The following IMPG1 variants were observed in gnomAD, a reference collection of about 807,000 sequenced individuals.
The protein encoded by IMPG1 is interphotoreceptor matrix proteoglycan of 150 kDa.
Under a neutral mutation model 92.0 loss-of-function variants are expected in IMPG1, and 85 were observed. That is an observed-to-expected ratio of 0.92 (90% CI 0.78 to 1.11). The LOEUF (loss-of-function observed/expected upper bound fraction) is 1.11, where lower values mean the gene tolerates loss of function less well. IMPG1 is among the 50% of genes least tolerant of loss of function. IMPG1 has a pLI of 0.00. For missense variants in IMPG1, 1,022 were observed against 956.0 expected, an observed-to-expected ratio of 1.07 and a Z score of -0.91; for synonymous variants, 367 against 334.1, an observed-to-expected ratio of 1.10 and a Z score of -1.08.
In IMPG1 at chr6:75,947,533, G is replaced by A. The variant is rs1781949217; in HGVS notation, c.1825C>T (p.Leu609=). The A allele has an allele frequency of 6.2e-7, 1 of 1,608,222 alleles. No individual in the cohort carries two copies. The change falls in exon 14 of 17, where the codon CTG becomes TTG. Residue 609 remains leucine, a splice_region_variant and synonymous_variant. Transcript: ENST00000369950. ...AGATTGGATCGTAGATATGGAACCA[G>A]CTGCAAAATAAAAGATGGTTTCCTC... ...RALEQQFTQL[L]VPYLRSNLTG...
intron 12 of IMPG1, among the ~76,000 whole-genome samples, chr6:75,981,960 T>C (rs1384992622): frequency 6.6e-6 from 1 of 152,228 alleles, no homozygotes; most frequent in Non-Finnish European, 1.5e-5. Context: ...CTTTAGTGCA[T>C]TACATGCCTG....
intron 13 of IMPG1, 68 bp downstream of exon 13, chr6:75,950,494 T>C (rs1327484053): frequency 7.4e-7 from 1 of 1,349,190 alleles, no homozygotes; most frequent in Non-Finnish European, 1.0e-6. Flanking sequence ...AGCCAATAAT[T>C]ATATTATAAA....
intron 6 of IMPG1, 103 bp from the exon 7 acceptor site, chr6:76,018,961 A>T (rs1291869250): frequency 9.3e-7 from 1 of 1,078,640 alleles, no homozygotes; most frequent in Non-Finnish European, 1.3e-6. Flanking sequence ...GTGGATTATG[A>T]AGGCTTAAGT....
At chr6:76,068,033 T>A (rs1399638690) in intron 1 of IMPG1, among the ~76,000 whole-genome samples, 1 of 152,034 alleles carries the variant, frequency 6.6e-6, no homozygotes, top group Non-Finnish European at 1.5e-5. Flanking sequence ...AGAAGGAACA[T>A]ACCTCAAAAT....
At chr6:75,991,315 C>CG in intron 12 of IMPG1, among the ~76,000 whole-genome samples, 1 of 151,944 alleles carries the variant, frequency 6.6e-6, no homozygotes, top group South Asian at 2.1e-4. Context: ...CGCTTGAACC[C>CG]GGGAGGCGGA....
chr6:75,987,037 G>A (rs528895130), intron 12 of IMPG1, among the ~76,000 whole-genome samples: 1 of 152,294 alleles, frequency 6.6e-6, no homozygotes, highest in African/African-American at 2.4e-5. Flanking sequence ...GGCACTCACA[G>A]TTGAGTCATG....
At chr6:76,003,099 A>C (rs1012168212) in intron 11 of IMPG1, 103 bp from the exon 12 acceptor site, 5 of 790,840 alleles carry the variant, frequency 6.3e-6, no homozygotes, top group Non-Finnish European at 1.1e-5. Context: ...ATTTAGGCAA[A>C]CTATTTTGTT....
At chr6:75,983,329 A>T (rs1262306818) in intron 12 of IMPG1, among the ~76,000 whole-genome samples, 1 of 152,056 alleles carries the variant, frequency 6.6e-6, no homozygotes, top group African/African-American at 2.4e-5. Context: ...TGACCTGTGT[A>T]TTTGTGCTAT....
chr6:75,965,745 C>T (rs1159054965), intron 12 of IMPG1, among the ~76,000 whole-genome samples: 1 of 151,598 alleles, frequency 6.6e-6, no homozygotes, highest in Non-Finnish European at 1.5e-5. Context: ...GTAGCCGGGA[C>T]TACAGGCGCC....
At chr6:75,962,015 T>A (rs1782218759) in intron 12 of IMPG1, among the ~76,000 whole-genome samples, 1 of 152,178 alleles carries the variant, frequency 6.6e-6, no homozygotes, top group Non-Finnish European at 1.5e-5. Flanking sequence ...GTTACCCAGG[T>A]GTAAAATGCA....
chr6:75,982,164 G>A (rs1218054462), intron 12 of IMPG1, among the ~76,000 whole-genome samples: 1 of 152,176 alleles, frequency 6.6e-6, no homozygotes, highest in Non-Finnish European at 1.5e-5. Flanking sequence ...TAGGATGAAG[G>A]TGGTGGTGGG....
intron 4 of IMPG1, among the ~76,000 whole-genome samples, chr6:76,033,529 A>G (rs1436695524): frequency 6.6e-6 from 1 of 152,242 alleles, no homozygotes; most frequent in East Asian, 1.9e-4. Flanking sequence ...GGTTAGAAGC[A>G]AGGAAATCTG....
intron 12 of IMPG1, among the ~76,000 whole-genome samples, chr6:75,989,744 C>G (rs1469981419): frequency 6.6e-6 from 1 of 152,078 alleles, no homozygotes; most frequent in Non-Finnish European, 1.5e-5. Context: ...TAAGGAGGCT[C>G]AGGCAGGAGA....
At chr6:76,051,025 C>T (rs1043701422) in intron 1 of IMPG1, among the ~76,000 whole-genome samples, 1 of 151,862 alleles carries the variant, frequency 6.6e-6, no homozygotes, top group Non-Finnish European at 1.5e-5. Context: ...GTAATTTCTA[C>T]AGAACAAAAA....
intron 1 of IMPG1, 104 bp from the exon 2 acceptor site, chr6:76,042,230 G>A (rs1783857182): frequency 1.4e-6 from 1 of 700,126 alleles, no homozygotes; most frequent in Admixed American, 2.5e-5. Context: ...TAATCCTTTA[G>A]TTTATGAAAT....
rs1216206301 is a variant in IMPG1 at position 75,974,392 on chromosome 6, T to TTTTC, written c.1292-23302_1292-23299dup. Among the ~76,000 whole-genome samples, 632 of 59,496 alleles carry TTTTC rather than the reference T, an allele frequency of 0.011. 27 individuals are homozygous for TTTTC. In the East Asian group the frequency reaches 0.12, roughly 11 times the overall value. The allele number at this position is 59,496 out of a possible 152,430, so 39.0% of individuals were successfully genotyped here. A position where few individuals can be genotyped will look rare whatever the true frequency, so the allele number is the denominator to read the frequency against. ...CTTTCTTTCTTTCTTTCTTTCTTTC[T>TTTTC]TTTCTTTCTTTCCTTCCTTCCTTCC... On this transcript the variant is annotated intron_variant, in intron 12 of 16. Coordinates refer to ENST00000369950, the MANE Select transcript of IMPG1 (RefSeq NM_001563.4).
chr6:76,022,527 A>G (rs1488120385), intron 5 of IMPG1, among the ~76,000 whole-genome samples: 1 of 152,296 alleles, frequency 6.6e-6, no homozygotes, highest in African/African-American at 2.4e-5. Flanking sequence ...TAAAGGACAC[A>G]TAGGCAGATG....
intron 12 of IMPG1, among the ~76,000 whole-genome samples, chr6:75,982,470 G>A (rs1210759413): frequency 6.6e-6 from 1 of 151,646 alleles, no homozygotes; most frequent in Non-Finnish European, 1.5e-5. Flanking sequence ...GACCCGGGAG[G>A]CGGAGGTTGC....
intron 12 of IMPG1, among the ~76,000 whole-genome samples, chr6:75,982,849 A>C (rs890132198): frequency 2.0e-5 from 3 of 152,206 alleles, no homozygotes; most frequent in African/African-American, 7.2e-5. Context: ...TCACCAAAAG[A>C]AAGGGTGAGG....
Sources: allele counts gnomAD v4.1 joint callset (sites outside exome capture counted in the v4.1 genomes callset), GRCh38; gene constraint gnomAD v4.1.1; transcripts MANE v1.5; gene names NCBI Gene and HGNC (gene_info 2026-07-23, HGNC 2026-07-21).